The following SEMA6D variants were observed in gnomAD, a reference collection of about 807,000 sequenced individuals.
SEMA6D encodes semaphorin-6D.
Under a neutral mutation model 106.6 loss-of-function variants are expected in SEMA6D, and 35 were observed. That is an observed-to-expected ratio of 0.33 (90% CI 0.25 to 0.44). SEMA6D has a LOEUF of 0.44. Ranked by LOEUF, SEMA6D falls within the 20% of genes least tolerant of loss-of-function variation. SEMA6D has a pLI of 1.00. For synonymous variants in SEMA6D, 499 were observed against 487.7 expected (o/e 1.02, Z -0.31); for missense variants, 1,185 against 1,345.9 (o/e 0.88, Z 1.87).
intron 4 of SEMA6D, among the ~76,000 whole-genome samples, chr15:47,700,318 G>A (rs1263262041): frequency 6.6e-6 from 1 of 152,202 alleles, no homozygotes; most frequent in South Asian, 2.1e-4. Context: ...TTGAGGCCAG[G>A]AGTTTGAGAC....
At chr15:47,551,392 G>A (rs1452714111) in intron 3 of SEMA6D, among the ~76,000 whole-genome samples, 2 of 152,100 alleles carry the variant, frequency 1.3e-5, no homozygotes, top group Non-Finnish European at 2.9e-5. Context: ...TGACCTTAGA[G>A]ACAATTAGAC....
At chr15:47,515,393 C>G (rs1008142806) in intron 3 of SEMA6D, among the ~76,000 whole-genome samples, 14 of 152,246 alleles carry the variant, frequency 9.2e-5, no homozygotes, top group Middle Eastern at 3.4e-3. Flanking sequence ...CCCACTGCCC[C>G]CTTCCATGAA....
At chr15:47,333,672 G>A (rs1023192067) in intron 1 of SEMA6D, among the ~76,000 whole-genome samples, 1 of 152,162 alleles carries the variant, frequency 6.6e-6, no homozygotes, top group African/African-American at 2.4e-5. Context: ...TATTCTAGTT[G>A]CTGGAGACCA....
At chr15:47,735,391 G>C (rs908643387) in intron 1 of SEMA6D, among the ~76,000 whole-genome samples, 24 of 152,184 alleles carry the variant, frequency 1.6e-4, no homozygotes, top group Admixed American at 9.2e-4. Context: ...TATTTATTCA[G>C]TGTGGGAACC....
rs182768762 is a variant in SEMA6D at position 47,259,691 on chromosome 15, A to G, written c.-239+75273A>G. The stretch of plus-strand genomic sequence containing the variant: ...TGGATTTATCTTATTTGGCATTACC[A>G]GAGTCTTGAATCTGTACATTGGGTT... On this transcript the variant is annotated intron_variant, in intron 1 of 19. Coordinates refer to the SEMA6D transcript ENST00000558014. Among the ~76,000 whole-genome samples, 6 of 152,268 alleles carry G rather than the reference A, an allele frequency of 3.9e-5. No homozygotes were observed. The East Asian group carries it at 1.2e-3, about 29-fold the overall frequency.
chr15:47,421,551 C>T (rs2041156176), intron 2 of SEMA6D, among the ~76,000 whole-genome samples: 1 of 151,976 alleles, frequency 6.6e-6, no homozygotes, highest in African/African-American at 2.4e-5. Context: ...TTTGATGCTT[C>T]CTGTTTCTCT....
chr15:47,518,716 G>A (rs527983734), intron 3 of SEMA6D, among the ~76,000 whole-genome samples: 12 of 152,252 alleles, frequency 7.9e-5, no homozygotes, highest in African/African-American at 2.9e-4. Flanking sequence ...CATTGCTCTG[G>A]GTGAGTCAGT....
chr15:47,731,824 A>G (rs1403899405), intron 1 of SEMA6D, among the ~76,000 whole-genome samples: 2 of 152,250 alleles, frequency 1.3e-5, no homozygotes, highest in Non-Finnish European at 2.9e-5. Context: ...ATATGTATGT[A>G]CATATGTCCA....
At chr15:47,556,368 C>G (rs1051261755) in intron 3 of SEMA6D, among the ~76,000 whole-genome samples, 1 of 152,052 alleles carries the variant, frequency 6.6e-6, no homozygotes, top group African/African-American at 2.4e-5. Context: ...TTCCACTTAA[C>G]ATTATAACTG....
At chr15:47,290,661 G>A (rs2035560192) in intron 1 of SEMA6D, among the ~76,000 whole-genome samples, 1 of 151,834 alleles carries the variant, frequency 6.6e-6, no homozygotes, top group Admixed American at 6.6e-5. Flanking sequence ...CAAATTTAGA[G>A]TGACATCCTT....
chr15:47,297,694 T>C (rs2035860026), intron 1 of SEMA6D, among the ~76,000 whole-genome samples: 1 of 152,092 alleles, frequency 6.6e-6, no homozygotes, highest in Non-Finnish European at 1.5e-5. Flanking sequence ...TGAGTGTCCA[T>C]TGTGATAAAC....
intron 4 of SEMA6D, among the ~76,000 whole-genome samples, chr15:47,682,155 A>T (rs2078367772): frequency 6.6e-6 from 1 of 151,334 alleles, no homozygotes; most frequent in Admixed American, 6.6e-5. Context: ...GCACAGCCTG[A>T]TCCAAACAGT....
At chr15:47,707,881 C>T (rs1219331385) in intron 4 of SEMA6D, among the ~76,000 whole-genome samples, 1 of 152,150 alleles carries the variant, frequency 6.6e-6, no homozygotes, top group Non-Finnish European at 1.5e-5. Context: ...CCTTTTCCAC[C>T]TCATGTTTCT....
At chr15:47,612,249 G>A (rs527370255) in intron 4 of SEMA6D, among the ~76,000 whole-genome samples, 4 of 152,064 alleles carry the variant, frequency 2.6e-5, no homozygotes, top group Admixed American at 2.6e-4. Context: ...TAAAAGAATT[G>A]AGCCTGCAGT....
intron 4 of SEMA6D, among the ~76,000 whole-genome samples, chr15:47,665,627 T>G (rs533976230): frequency 2.6e-5 from 4 of 152,206 alleles, no homozygotes; most frequent in African/African-American, 9.6e-5. Context: ...CTGGCCAACA[T>G]GGTGAAATCC....
Position 47,550,399 on chromosome 15 carries a change from C to T in SEMA6D, c.-86-50466C>T, listed in dbSNP as rs184088691. 9.9e-3 allele frequency among the ~76,000 whole-genome samples: 1,514 copies of T among 152,260 alleles called. 10 individuals carry two copies. The highest frequency in any genetic ancestry group is 0.021 in the Admixed American group (316 of 15,288). On this transcript the variant is annotated intron_variant, in intron 3 of 19. Coordinates refer to the SEMA6D transcript ENST00000558014. ...TTATCTTGCCCTCATTTACTTCTTT[C>T]TATTAAATGACAAATGGCACTATGT...
At chr15:47,754,700 C>G (rs1424522898) in intron 1 of SEMA6D, among the ~76,000 whole-genome samples, 1 of 152,148 alleles carries the variant, frequency 6.6e-6, no homozygotes, top group Non-Finnish European at 1.5e-5. Flanking sequence ...CAGCCATTAT[C>G]TTGTCAAATA....
intron 1 of SEMA6D, among the ~76,000 whole-genome samples, chr15:47,319,443 G>T (rs1252842589): frequency 6.6e-6 from 1 of 152,128 alleles, no homozygotes; most frequent in Admixed American, 6.5e-5. Flanking sequence ...GATGTGGGTG[G>T]AGGACTCTAT....
At chr15:47,431,011 C>T (rs1173962197) in intron 2 of SEMA6D, among the ~76,000 whole-genome samples, 1 of 152,156 alleles carries the variant, frequency 6.6e-6, no homozygotes, top group Non-Finnish European at 1.5e-5. Flanking sequence ...ATTTCTATAG[C>T]TATCAATAAA....
Sources: allele counts gnomAD v4.1 joint callset (sites outside exome capture counted in the v4.1 genomes callset), GRCh38; gene constraint gnomAD v4.1.1; transcripts MANE v1.5; gene names NCBI Gene and HGNC (gene_info 2026-07-23, HGNC 2026-07-21).